Variants in COL20A1 observed in about 807,000 individuals in gnomAD.
The protein encoded by COL20A1 is collagen type XX alpha 1 chain, also known as collagen alpha-1(XX) chain.
Under a neutral mutation model 152.9 loss-of-function variants are expected in COL20A1, and 164 were observed. That is an observed-to-expected ratio of 1.07 (90% CI 0.94 to 1.22). COL20A1 has a LOEUF of 1.22. Ranked by LOEUF, COL20A1 falls within the 50% of genes most tolerant of loss-of-function variation. COL20A1 has a pLI of 0.00. For missense variants in COL20A1, 1,873 were observed against 1,744.8 expected (o/e 1.07, Z -1.31); for synonymous variants, 864 against 756.0 (o/e 1.14, Z -2.34).
chr20:63,329,460 CCCAT>C, intron 34 of COL20A1, 121 bp from the exon 35 acceptor site: 1 of 691,602 alleles, frequency 1.4e-6, no homozygotes, highest in African/African-American at 2.4e-5. Flanking sequence ...ATCTCAGACT[CCCAT>C]CTAAGGACCA....
chr20:63,305,328 G>C lies in COL20A1; in HGVS notation c.194-89G>C. 8.9e-7 allele frequency: 1 copy of C among 1,118,716 alleles called. No individual in the cohort carries two copies. The highest frequency in any genetic ancestry group is 3.2e-5 in the East Asian group (1 of 31,342). The allele number at this position is 1,118,716 out of a possible 1,614,324, so 69.3% of individuals were successfully genotyped here. A position where few individuals can be genotyped will look rare whatever the true frequency, so the allele number is the denominator to read the frequency against. On this transcript the variant is annotated intron_variant, in intron 3 of 35. Coordinates refer to ENST00000358894, the MANE Select transcript of COL20A1 (RefSeq NM_020882.4). The surrounding 1 kb of genome is among the most constrained non-coding windows in gnomAD (Gnocchi z 4.9). Reference sequence around the variant, plus strand: ...TCAAGGGGAGCAGCTGGGGTGGGGAGGAGGAGCCAAGAGGGTTTCACTCCC... The same window carrying C: ...TCAAGGGGAGCAGCTGGGGTGGGGACGAGGAGCCAAGAGGGTTTCACTCCC...
chr20:63,316,015 C>T (rs533723873), intron 20 of COL20A1, among the ~76,000 whole-genome samples: 1 of 152,218 alleles, frequency 6.6e-6, no homozygotes, highest in Non-Finnish European at 1.5e-5. Flanking sequence ...TGCGGCTCTG[C>T]GCGGTGGGGC....
rs151007078 is a variant in COL20A1, at chr20:63,311,148, C to G, written c.1394-246C>G. Among the ~76,000 whole-genome samples, 1 of 152,188 alleles carries G rather than the reference C, an allele frequency of 6.6e-6. No homozygotes were observed. Among genetic ancestry groups the G allele is most frequent in the African/African-American group, 2.4e-5 (1 of 41,432 alleles). On this transcript the variant is annotated intron_variant, in intron 11 of 35. Transcript: ENST00000358894. The surrounding 1 kb of genome is among the most constrained non-coding windows in gnomAD (Gnocchi z 4.4). ...GTTTCCCAAAGCCCTTTTCACCCCC[C>G]GGAGGCCACATTCCTCCCATGACCT...
intron 15 of COL20A1, 63 bp downstream of exon 15, chr20:63,312,612 G>T: frequency 6.6e-7 from 1 of 1,510,088 alleles, no homozygotes; most frequent in South Asian, 1.3e-5. Context: ...TGCCCTGCTA[G>T]ACAGTTCACA....
At chr20:63,295,278 C>G (rs1188224364) in intron 2 of COL20A1, 89 bp downstream of exon 2, 7 of 799,606 alleles carry the variant, frequency 8.8e-6, no homozygotes, top group African/African-American at 5.2e-5. Context: ...CGCCCCTGAG[C>G]CCCGTCTTCC....
At position 63,320,339 on chromosome 20, in the gene COL20A1, G is replaced by A; in HGVS notation, c.3124G>A (p.Glu1042Lys). The A allele has an allele frequency of 1.2e-6, 2 of 1,611,318 alleles. No homozygotes were observed. Among genetic ancestry groups the A allele is most frequent in the Non-Finnish European group, 1.7e-6 (2 of 1,179,848 alleles). ...QIVCSDTWAD[E>K]DRCCELPASR... ...CGTGTGCAGTGACACCTGGGCCGAT[G>A]AGGACCGGTGCTGTGAGCTCCCTGC... The change falls in exon 25 of 36, where the codon GAG becomes AAG. Residue 1042 changes from glutamate (E) to lysine (K), a missense_variant. Glu to Lys is a moderately conservative substitution (Grantham distance 56). Transcript: ENST00000358894.
chr20:63,312,214 G>A (rs903598539), intron 14 of COL20A1, among the ~76,000 whole-genome samples, 159 bp downstream of exon 14: 1 of 152,188 alleles, frequency 6.6e-6, no homozygotes, highest in Non-Finnish European at 1.5e-5. Context: ...TGTGGGTGTG[G>A]GGTCTGGGGG....
At chr20:63,295,011 C>G (rs997524234) in intron 1 of COL20A1, 87 bp from the exon 2 acceptor site, 1 of 847,090 alleles carries the variant, frequency 1.2e-6, no homozygotes. Flanking sequence ...GCCTGGCCCT[C>G]GAGGATTTGG....
chr20:63,329,506 G>C (rs1194292842), intron 34 of COL20A1, 79 bp from the exon 35 acceptor site: 1 of 1,138,860 alleles, frequency 8.8e-7, no homozygotes, highest in Non-Finnish European at 1.3e-6. Flanking sequence ...GAGGGGCCCT[G>C]ACACCCTCTG....
In COL20A1 at chr20:63,307,552, T is replaced by C. The variant is rs2067942771; in HGVS notation, c.559T>C (p.Ser187Pro). The C allele has an allele frequency of 1.7e-5, 27 of 1,612,394 alleles. No homozygotes were observed. Among genetic ancestry groups the C allele is most frequent in the Non-Finnish European group, 2.1e-5 (25 of 1,179,690 alleles). Residue 187 changes from serine to proline, a missense_variant, in exon 6 of 36, where the codon TCC becomes CCC. Transcript: ENST00000358894. ...TGACATGGTCTTCCTGGTGGACGGGTCCTGGAGCATTGGCCACAGTCACTT... is the reference window on the plus strand; with the variant it reads ...TGACATGGTCTTCCTGGTGGACGGGCCCTGGAGCATTGGCCACAGTCACTT... ...PADMVFLVDGSWSIGHSHFQQ... is the reference protein window; with the variant it reads ...PADMVFLVDGPWSIGHSHFQQ...
Position 63,311,216 on chromosome 20 carries a change from T to C in COL20A1, c.1394-178T>C, listed in dbSNP as rs544754166. On this transcript the variant is annotated intron_variant, in intron 11 of 35. Transcript: ENST00000358894. This position sits in a 1 kb window ranked among gnomAD's most constrained non-coding sequence, Gnocchi z 4.4. ...GACAAAACTGTGGGGTGGCCTTGTGTCCCCAGAGCTGGAGCCACAAACCTT... is the reference window on the plus strand; with the variant it reads ...GACAAAACTGTGGGGTGGCCTTGTGCCCCCAGAGCTGGAGCCACAAACCTT... Among the ~76,000 whole-genome samples the C allele has an allele frequency of 1.3e-4, 20 of 152,316 alleles. No homozygotes were observed. In the East Asian group the frequency reaches 3.9e-3, roughly 29 times the overall value.
intron 35 of COL20A1, 139 bp downstream of exon 35, chr20:63,329,800 G>C (rs1467585047): frequency 1.6e-6 from 1 of 628,184 alleles, no homozygotes; most frequent in East Asian, 2.8e-5. Context: ...AGGCAGGCGA[G>C]GTGGCCCTGG....
At chr20:63,310,011 A>C in intron 10 of COL20A1, 96 bp downstream of exon 10, 12 of 1,141,106 alleles carry the variant, frequency 1.1e-5, no homozygotes, top group Non-Finnish European at 1.5e-5. Context: ...GCCCACAAAT[A>C]ACTGGGTCCA....
At chr20:63,325,860 C>A (rs4809534) in intron 29 of COL20A1, 139 bp downstream of exon 29, 44,594 of 832,888 alleles carry the variant, frequency 0.054, 1,618 homozygotes, top group South Asian at 0.089. Flanking sequence ...CTGCACCACC[C>A]CCTTCAGCCT....
chr20:63,313,640 C>A lies in COL20A1; in HGVS notation c.2210-103C>A. The A allele has an allele frequency of 9.0e-7, 1 of 1,114,778 alleles. No homozygotes were observed. Among genetic ancestry groups the A allele is most frequent in the Non-Finnish European group, 1.2e-6 (1 of 802,044 alleles). 69.1% of individuals were successfully genotyped at this position (1,114,778 alleles called of 1,614,324 possible). A position where few individuals can be genotyped will look rare whatever the true frequency, so the allele number is the denominator to read the frequency against. ...GGGGTGTGGCATGATGTGGTGGAGG[C>A]ATTACGCAGAGCAGGGTAGGGGCTG... On this transcript the variant is annotated intron_variant, in intron 17 of 35. Coordinates refer to ENST00000358894, the MANE Select transcript of COL20A1 (RefSeq NM_020882.4). The surrounding 1 kb of genome is among the most constrained non-coding windows in gnomAD (Gnocchi z 5.9).
At chr20:63,313,000 C>G in intron 16 of COL20A1, 66 bp downstream of exon 16, 2 of 1,532,264 alleles carry the variant, frequency 1.3e-6, no homozygotes, top group South Asian at 1.2e-5. Context: ...AAGCCAAAGT[C>G]TAGGGCTCAG....
intron 28 of COL20A1, 84 bp from the exon 29 acceptor site, chr20:63,325,584 G>T (rs1184709561): frequency 2.6e-6 from 4 of 1,548,712 alleles, no homozygotes; most frequent in Non-Finnish European, 3.5e-6. Flanking sequence ...GGGGCACAGG[G>T]GTTGGGGGTG....
intron 21 of COL20A1, among the ~76,000 whole-genome samples, chr20:63,318,260 T>G (rs2068110115): frequency 6.6e-6 from 1 of 152,060 alleles, no homozygotes; most frequent in African/African-American, 2.4e-5. Context: ...GTCGGGAGGC[T>G]CCTGAGGTGG....
At chr20:63,322,497 C>G (rs186202817) in intron 27 of COL20A1, among the ~76,000 whole-genome samples, 43 of 152,324 alleles carry the variant, frequency 2.8e-4, no homozygotes, top group African/African-American at 1.0e-3. Flanking sequence ...CTTCTGTGTG[C>G]CGGGCTGGGC....
Sources: gnomAD v4.1 joint callset for allele counts (sites outside exome capture counted in the v4.1 genomes callset) on GRCh38, gnomAD v4.1.1 for gene constraint, Gnocchi (gnomAD v3.1) non-coding constraint, MANE v1.5 for transcripts, NCBI Gene and HGNC (gene_info 2026-07-23, HGNC 2026-07-21) for gene names.